NLGN1: variants seen among roughly 807,000 people sequenced by gnomAD.
The protein encoded by NLGN1 is neuroligin-1.
Under a neutral mutation model 65.5 loss-of-function variants are expected in NLGN1, and 12 were observed. That is an observed-to-expected ratio of 0.18 (90% CI 0.12 to 0.30). NLGN1 has a LOEUF of 0.30. NLGN1 is among the 10% of genes least tolerant of loss of function. The pLI, the probability that NLGN1 is intolerant of heterozygous loss-of-function variation, is 1.00. For synonymous variants in NLGN1, 350 were observed against 359.5 expected, an observed-to-expected ratio of 0.97 and a Z score of 0.30; for missense variants, 750 against 1,007.1, an observed-to-expected ratio of 0.74 and a Z score of 3.46.
intron 5 of NLGN1, 37 bp downstream of exon 5, chr3:174,275,564 GTC>G: frequency 7.6e-7 from 1 of 1,320,264 alleles, no homozygotes; most frequent in Non-Finnish European, 1.1e-6. Context: ...CAATTTTGGT[GTC>G]TGCATGCCAC....
At chr3:173,583,256 C>T (rs1315574949) in intron 2 of NLGN1, among the ~76,000 whole-genome samples, 4 of 152,172 alleles carry the variant, frequency 2.6e-5, no homozygotes, top group Non-Finnish European at 5.9e-5. Context: ...AACTTTTAGG[C>T]TTCCACAAAA....
At chr3:174,275,252 A>T in intron 4 of NLGN1, 63 bp from the exon 5 acceptor site, 1 of 1,235,170 alleles carries the variant, frequency 8.1e-7, no homozygotes, top group Non-Finnish European at 1.2e-6. Flanking sequence ...ATTTGTGTTT[A>T]AATTTGATGT....
At chr3:173,399,757 C>T (rs912449827) in intron 1 of NLGN1, 4 of 152,130 alleles carry the variant, frequency 2.6e-5, no homozygotes, top group African/African-American at 9.7e-5. Flanking sequence ...CTAGCTGTTT[C>T]TGGTTTTCTT....
intron 4 of NLGN1, among the ~76,000 whole-genome samples, chr3:174,103,898 G>A (rs1257174690): frequency 6.6e-6 from 1 of 151,836 alleles, no homozygotes; most frequent in Non-Finnish European, 1.5e-5. Context: ...CTAACACTGT[G>A]TACTTCACAC....
At chr3:174,038,234 C>T (rs2152484939) in intron 4 of NLGN1, among the ~76,000 whole-genome samples, 1 of 152,244 alleles carries the variant, frequency 6.6e-6, no homozygotes, top group South Asian at 2.1e-4. Flanking sequence ...TTTACTGCCC[C>T]ACTGAATCGC....
chr3:173,698,641 T>C (rs1158849452), intron 3 of NLGN1, among the ~76,000 whole-genome samples: 1 of 152,196 alleles, frequency 6.6e-6, no homozygotes, highest in African/African-American at 2.4e-5. Context: ...GCAACATGTT[T>C]GCTACATAAT....
At chr3:173,661,365 C>A (rs1760899457) in intron 3 of NLGN1, among the ~76,000 whole-genome samples, 1 of 151,942 alleles carries the variant, frequency 6.6e-6, no homozygotes, top group Admixed American at 6.6e-5. Flanking sequence ...AAGATAAATA[C>A]CTTTCCTAAC....
At chr3:173,829,456 T>C (rs560064002) in intron 4 of NLGN1, among the ~76,000 whole-genome samples, 22 of 151,720 alleles carry the variant, frequency 1.5e-4, no homozygotes, top group African/African-American at 3.6e-4. Flanking sequence ...AATGTGATGA[T>C]TTGACATGCA....
chr3:173,732,909 C>T (rs1364931949), intron 3 of NLGN1, among the ~76,000 whole-genome samples: 2 of 151,964 alleles, frequency 1.3e-5, no homozygotes, highest in Non-Finnish European at 2.9e-5. Context: ...TAAAAATAAA[C>T]ATTAGCAAGA....
chr3:174,279,486 T>G lies in NLGN1; in HGVS notation c.1485T>G (p.Asp495Glu), dbSNP rs1751198624. The G allele has an allele frequency of 6.2e-7, 1 of 1,613,006 alleles. No individual in the cohort carries two copies. Among genetic ancestry groups the G allele is most frequent in the Non-Finnish European group, 8.5e-7 (1 of 1,179,520 alleles). Residue 495 changes from aspartate to glutamate, a missense_variant, in exon 6 of 7, where the codon GAT (aspartate) becomes GAG (glutamate). Physicochemically the swap from Asp to Glu is conservative, Grantham distance 45. Coordinates refer to ENST00000457714, the Ensembl canonical transcript of NLGN1. This position sits in a 1 kb window ranked among gnomAD's most constrained non-coding sequence, Gnocchi z 4.7. ...CCTTTTACCATCATTGCCAAACAGATCAGGTTCCAGCTTGGGCTGATGCAG... is the reference window on the plus strand; with the variant it reads ...CCTTTTACCATCATTGCCAAACAGAGCAGGTTCCAGCTTGGGCTGATGCAG...
chr3:174,264,942 G>A (rs1012301587), intron 4 of NLGN1, among the ~76,000 whole-genome samples: 15 of 152,220 alleles, frequency 9.9e-5, no homozygotes, highest in South Asian at 4.2e-4. Flanking sequence ...ATACCCTGCT[G>A]TGTGAGGTGT....
intron 4 of NLGN1, among the ~76,000 whole-genome samples, chr3:173,904,148 G>T (rs1737899697): frequency 6.6e-6 from 1 of 151,978 alleles, no homozygotes; most frequent in Admixed American, 6.6e-5. Flanking sequence ...AATGGCTTTT[G>T]GTTTGCATAT....
intron 1 of NLGN1, among the ~76,000 whole-genome samples, chr3:173,407,480 C>T (rs539848040): frequency 2.9e-4 from 44 of 152,178 alleles, no homozygotes; most frequent in Admixed American, 7.2e-4. Context: ...ATACATACAT[C>T]GGCACCATAT....
chr3:173,525,316 G>A (rs2149157324), intron 2 of NLGN1, among the ~76,000 whole-genome samples: 1 of 151,802 alleles, frequency 6.6e-6, no homozygotes, highest in East Asian at 1.9e-4. Context: ...ATCTATTCAG[G>A]ATTTCTATTT....
At chr3:173,810,829 T>A (rs980379905) in intron 4 of NLGN1, among the ~76,000 whole-genome samples, 3 of 152,214 alleles carry the variant, frequency 2.0e-5, no homozygotes, top group African/African-American at 7.2e-5. Context: ...TCAGAATTAG[T>A]TCTTCTACCG....
intron 3 of NLGN1, among the ~76,000 whole-genome samples, chr3:173,716,404 T>G (rs965744771): frequency 3.9e-5 from 6 of 152,170 alleles, no homozygotes; most frequent in African/African-American, 1.4e-4. Flanking sequence ...AAACACCATG[T>G]ATATAATCTT....
intron 3 of NLGN1, among the ~76,000 whole-genome samples, chr3:173,646,803 G>A (rs1395294572): frequency 1.3e-5 from 2 of 152,202 alleles, no homozygotes; most frequent in East Asian, 3.9e-4. Context: ...GGAACATATT[G>A]AAAACACATA....
chr3:173,986,690 C>G (rs564705478), intron 4 of NLGN1, among the ~76,000 whole-genome samples: 1 of 152,292 alleles, frequency 6.6e-6, no homozygotes, highest in South Asian at 2.1e-4. Context: ...TGCTTTGTTT[C>G]AGCAGCCCTA....
intron 2 of NLGN1, among the ~76,000 whole-genome samples, chr3:173,549,103 A>G (rs1740410828): frequency 6.6e-6 from 1 of 152,052 alleles, no homozygotes; most frequent in Admixed American, 6.6e-5. Flanking sequence ...TTGGTTTTTT[A>G]AAGTACTGAA....
Sources: allele counts gnomAD v4.1 joint callset (sites outside exome capture counted in the v4.1 genomes callset), GRCh38; gene constraint gnomAD v4.1.1; non-coding constraint Gnocchi (gnomAD v3.1); transcripts MANE v1.5; gene names NCBI Gene and HGNC (gene_info 2026-07-23, HGNC 2026-07-21).